SDK1: variants seen among roughly 807,000 people sequenced by gnomAD.
SDK1 encodes protein sidekick-1.
SDK1 carries 157 observed loss-of-function variants against 245.5 expected under a neutral mutation model. The ratio of observed to expected loss-of-function variants is 0.64; its 90% CI spans 0.56 to 0.73. The LOEUF (loss-of-function observed/expected upper bound fraction) is 0.73. Among genes scored for constraint, SDK1 ranks in the 30% least tolerant of loss-of-function variants. The pLI, the probability that SDK1 is intolerant of heterozygous loss-of-function variation, is 0.00. For missense variants in SDK1, 3,583 were observed against 3,002.3 expected, an observed-to-expected ratio of 1.19 and a Z score of -4.52; for synonymous variants, 1,647 against 1,278.5, an observed-to-expected ratio of 1.29 and a Z score of -6.15.
rs1996825 is a variant in SDK1, at chr7:3,441,188, A to T, written c.298+139304A>T. ...TTACAGTATGTTATAATTCTATTTT[A>T]TTACTAGTTATTGTTAATATTTTAT... On this transcript the variant is annotated intron_variant, in intron 1 of 44. Coordinates refer to ENST00000404826, the MANE Select transcript of SDK1 (RefSeq NM_152744.4). Among the ~76,000 whole-genome samples the T allele has an allele frequency of 1.3e-3, 198 of 152,258 alleles. 2 individuals are homozygous for T. Among genetic ancestry groups the T allele is most frequent in the African/African-American group, 4.4e-3 (181 of 41,546 alleles).
At chr7:3,993,825 G>T (rs10246305) in intron 14 of SDK1, among the ~76,000 whole-genome samples, 1 of 151,886 alleles carries the variant, frequency 6.6e-6, no homozygotes, top group Non-Finnish European at 1.5e-5. Context: ...CACTTCTCAC[G>T]CATTCTATCT....
Position 3,874,673 on chromosome 7 carries a change from GCT to G in SDK1, c.847+53093_847+53094del, listed in dbSNP as rs57750777. 9.3e-3 allele frequency among the ~76,000 whole-genome samples: 1,407 copies of G among 152,044 alleles called. 19 individuals are homozygous for G. The highest frequency in any genetic ancestry group is 0.032 in the African/African-American group (1,340 of 41,482). On this transcript the variant is annotated intron_variant, in intron 5 of 44. Transcript: ENST00000404826. ...TGCTACAGTTTTTGTTTTGTTTTTT[GCT>G]CTTTCTCCTGCATAGTAAGGCTTTC...
chr7:3,723,833 C>T (rs1288991155), intron 4 of SDK1, among the ~76,000 whole-genome samples: 4 of 146,636 alleles, frequency 2.7e-5, no homozygotes, highest in Non-Finnish European at 4.5e-5. Context: ...TACATATACA[C>T]GTGTATATAC....
intron 1 of SDK1, among the ~76,000 whole-genome samples, chr7:3,451,973 T>C (rs769858337): frequency 7.9e-5 from 12 of 152,292 alleles, no homozygotes; most frequent in South Asian, 2.1e-4. Context: ...TATTGACTCT[T>C]TTTTGTATAC....
At chr7:3,682,216 A>G (rs1401792296) in intron 4 of SDK1, among the ~76,000 whole-genome samples, 1 of 152,226 alleles carries the variant, frequency 6.6e-6, no homozygotes, top group Non-Finnish European at 1.5e-5. Flanking sequence ...CCCATTTCAC[A>G]GATGATATTA....
rs116589559 is a variant in SDK1 at position 3,368,550 on chromosome 7, C to T, written c.298+66666C>T. ...AATCGGCACGGAAGGGTTTGGATCA[C>T]GGGATGGTGGGATTAAAGGTGTAAC... On this transcript the variant is annotated intron_variant, in intron 1 of 44. Transcript: ENST00000404826. 2.9e-3 allele frequency among the ~76,000 whole-genome samples: 434 copies of T among 152,172 alleles called. 3 individuals are homozygous for T. Among genetic ancestry groups the T allele is most frequent in the African/African-American group, 9.7e-3 (401 of 41,510 alleles).
chr7:4,124,707 AG>A (rs1784268392), intron 25 of SDK1, among the ~76,000 whole-genome samples: 1 of 152,244 alleles, frequency 6.6e-6, no homozygotes, highest in Non-Finnish European at 1.5e-5. Context: ...TAAATGTCAT[AG>A]GTTGCATTAT....
intron 5 of SDK1, among the ~76,000 whole-genome samples, chr7:3,860,712 T>A: frequency 6.6e-6 from 1 of 152,326 alleles, no homozygotes; most frequent in East Asian, 1.9e-4. Context: ...CTTGGAGGCC[T>A]GTATTCATCT....
At chr7:3,831,940 G>T (rs1016512303) in intron 5 of SDK1, among the ~76,000 whole-genome samples, 3 of 151,998 alleles carry the variant, frequency 2.0e-5, no homozygotes, top group African/African-American at 7.2e-5. Context: ...GGCCCCAGCT[G>T]CTCAGAAGGG....
At chr7:3,776,633 T>C (rs763093143) in intron 4 of SDK1, among the ~76,000 whole-genome samples, 1 of 152,056 alleles carries the variant, frequency 6.6e-6, no homozygotes, top group South Asian at 2.1e-4. Flanking sequence ...CTCTGGATGA[T>C]AGTTGTTCAT....
rs541549285 is a variant in SDK1, at chr7:3,595,218, T to C, written c.299-23862T>C. 5.8e-3 allele frequency among the ~76,000 whole-genome samples: 887 copies of C among 152,068 alleles called. 11 individuals carry two copies. The highest frequency in any genetic ancestry group is 0.02 in the African/African-American group (819 of 41,464). On this transcript the variant is annotated intron_variant, in intron 1 of 44. Transcript: ENST00000404826. ...TTTTTTTCTGCCATATTGGTGACTT[T>C]ATGATATTTTGCTTGTAATTATATA...
At chr7:4,030,746 C>T (rs549725575) in intron 17 of SDK1, among the ~76,000 whole-genome samples, 1 of 152,296 alleles carries the variant, frequency 6.6e-6, no homozygotes, top group African/African-American at 2.4e-5. Context: ...TGGCATGTTC[C>T]CAGGTTGCAC....
intron 2 of SDK1, among the ~76,000 whole-genome samples, chr7:3,625,588 A>C (rs953481401): frequency 6.6e-6 from 1 of 152,210 alleles, no homozygotes; most frequent in Admixed American, 6.5e-5. Context: ...GCTGGAGCTC[A>C]ATCTTGTTTG....
chr7:3,515,607 C>T (rs1782721158), intron 1 of SDK1, among the ~76,000 whole-genome samples: 2 of 152,140 alleles, frequency 1.3e-5, no homozygotes, highest in South Asian at 4.1e-4. Flanking sequence ...TTCTCTTATG[C>T]TCCAAAATTT....
intron 4 of SDK1, among the ~76,000 whole-genome samples, chr7:3,720,990 C>T (rs1028985777): frequency 6.6e-6 from 1 of 152,192 alleles, no homozygotes; most frequent in South Asian, 2.1e-4. Context: ...AAAAGCCAAT[C>T]TCAAATGGTC....
intron 41 of SDK1, among the ~76,000 whole-genome samples, chr7:4,233,779 C>G (rs957662348): frequency 6.6e-6 from 1 of 152,186 alleles, no homozygotes; most frequent in Non-Finnish European, 1.5e-5. Flanking sequence ...ACCCATCCTC[C>G]TGGGCTGCTC....
chr7:3,994,178 C>T (rs1784540567), intron 14 of SDK1, among the ~76,000 whole-genome samples: 2 of 152,160 alleles, frequency 1.3e-5, no homozygotes, highest in South Asian at 4.1e-4. Context: ...GACCCACACA[C>T]CATAAGTCCC....
intron 5 of SDK1, among the ~76,000 whole-genome samples, chr7:3,917,456 T>G (rs1779424309): frequency 6.6e-6 from 1 of 152,168 alleles, no homozygotes; most frequent in African/African-American, 2.4e-5. Context: ...CGGGCTGCAC[T>G]TTGGGGCACT....
At chr7:3,567,520 C>T (rs763524668) in intron 1 of SDK1, among the ~76,000 whole-genome samples, 1 of 152,204 alleles carries the variant, frequency 6.6e-6, no homozygotes, top group Non-Finnish European at 1.5e-5. Flanking sequence ...TGCTAGAAAA[C>T]TACCACAGTA....
Sources: allele counts gnomAD v4.1 joint callset (sites outside exome capture counted in the v4.1 genomes callset), GRCh38; gene constraint gnomAD v4.1.1; transcripts MANE v1.5; gene names NCBI Gene and HGNC (gene_info 2026-07-23, HGNC 2026-07-21).